TMEM132B: variants seen among roughly 807,000 people sequenced by gnomAD.
TMEM132B encodes transmembrane protein 132B.
TMEM132B carries 18 observed loss-of-function variants against 90.8 expected under a neutral mutation model. That is an observed-to-expected ratio of 0.20 (90% confidence interval 0.14 to 0.29). The LOEUF is 0.29. Among genes scored for constraint, TMEM132B ranks in the 10% least tolerant of loss-of-function variants. The probability of loss-of-function intolerance (pLI) is 1.00; values close to 1 mark genes in which losing one functional copy is unlikely to be tolerated. For synonymous variants in TMEM132B, 504 were observed against 523.3 expected, an observed-to-expected ratio of 0.96 and a Z score of 0.50; for missense variants, 1,096 against 1,326.8, an observed-to-expected ratio of 0.83 and a Z score of 2.70.
At chr12:125,336,367 C>T (rs1876961050) in intron 1 of TMEM132B, among the ~76,000 whole-genome samples, 1 of 152,192 alleles carries the variant, frequency 6.6e-6, no homozygotes, top group Non-Finnish European at 1.5e-5. Context: ...AACACAGGTA[C>T]CGAGGCTTCT....
chr12:125,538,202 T>C (rs912159489), intron 4 of TMEM132B, among the ~76,000 whole-genome samples: 4 of 152,206 alleles, frequency 2.6e-5, no homozygotes, highest in African/African-American at 9.7e-5. Flanking sequence ...GTTATTTATA[T>C]TGTTCTTACC....
chr12:125,377,362 G>T (rs1329626474), intron 2 of TMEM132B, among the ~76,000 whole-genome samples: 2 of 152,218 alleles, frequency 1.3e-5, no homozygotes, highest in African/African-American at 2.4e-5. Flanking sequence ...ACTTTGGATT[G>T]TGGGCTGGAC....
intron 5 of TMEM132B, among the ~76,000 whole-genome samples, chr12:125,603,471 C>T (rs1885616666): frequency 6.6e-6 from 1 of 152,142 alleles, no homozygotes; most frequent in African/African-American, 2.4e-5. Flanking sequence ...TAAAGACTTA[C>T]ATGTGAAACC....
intron 2 of TMEM132B, among the ~76,000 whole-genome samples, chr12:125,354,643 G>A (rs7296783): frequency 0.43 from 64,654 of 152,122 alleles, 14,066 homozygotes; most frequent in Non-Finnish European, 0.46. Context: ...TTCATTATGC[G>A]TGTTTGTGGG....
At chr12:125,216,933 C>G (rs190761917) in intron 1 of TMEM132B, among the ~76,000 whole-genome samples, 1 of 152,226 alleles carries the variant, frequency 6.6e-6, no homozygotes, top group East Asian at 1.9e-4. Flanking sequence ...CCACTGGCTG[C>G]GATCTTGGCG....
intron 2 of TMEM132B, among the ~76,000 whole-genome samples, chr12:125,393,588 T>C (rs1262031743): frequency 6.6e-6 from 1 of 152,012 alleles, no homozygotes; most frequent in Non-Finnish European, 1.5e-5. Flanking sequence ...GTTTCAGGCA[T>C]AGCAAACGGT....
In TMEM132B at chr12:125,538,156, C is replaced by G. The variant is rs148093032; in HGVS notation, c.1293+18531C>G. On this transcript the variant is annotated intron_variant, in intron 4 of 8. Coordinates refer to ENST00000682704, the MANE Select transcript of TMEM132B (RefSeq NM_001366854.1). ...TCGATCATCTAATTAAGGTCACACT[C>G]TCAGGGAAACTGAGGTATGGGGTGA... Among the ~76,000 whole-genome samples the G allele has an allele frequency of 2.4e-4, 37 of 152,306 alleles. 1 individual carries two copies. Among genetic ancestry groups the G allele is most frequent in the African/African-American group, 8.7e-4 (36 of 41,576 alleles).
At chr12:125,296,640 TTC>T (rs1328824846) in intron 1 of TMEM132B, among the ~76,000 whole-genome samples, 1 of 152,238 alleles carries the variant, frequency 6.6e-6, no homozygotes, top group Non-Finnish European at 1.5e-5. Context: ...GAAGAATGGC[TTC>T]TCTGCCGTAT....
intron 2 of TMEM132B, among the ~76,000 whole-genome samples, chr12:125,366,427 AT>A (rs976997504): frequency 6.0e-4 from 91 of 151,906 alleles, no homozygotes; most frequent in African/African-American, 1.8e-3. Context: ...AGCATTTGTT[AT>A]TTTTTTTATT....
At position 125,616,312 on chromosome 12, in the gene TMEM132B, A is replaced by G. The variant is rs545567026; in HGVS notation, c.1438-27764A>G. ...CATAGTATTCCATGGTGTATATGAC[A>G]CTTTTATACCGTCTCGAGGTTACAG... On this transcript the variant is annotated intron_variant, in intron 5 of 8. Coordinates refer to ENST00000682704, the MANE Select transcript of TMEM132B (RefSeq NM_001366854.1). Among the ~76,000 whole-genome samples the G allele has an allele frequency of 7.6e-4, 115 of 152,168 alleles. 1 individual carries two copies. The highest frequency in any genetic ancestry group is 1.2e-3 in the South Asian group (6 of 4,814).
intron 1 of TMEM132B, among the ~76,000 whole-genome samples, chr12:125,271,723 G>GT (rs1047281284): frequency 6.6e-6 from 1 of 151,426 alleles, no homozygotes; most frequent in African/African-American, 2.4e-5. Context: ...CCAAACTTTG[G>GT]TTTTTTTAAT....
chr12:125,583,888 A>G lies in TMEM132B; in HGVS notation c.1331A>G (p.Lys444Arg), dbSNP rs1199080652. The G allele has an allele frequency of 1.2e-6, 2 of 1,614,006 alleles. No individual in the cohort carries two copies. Among genetic ancestry groups the G allele is most frequent in the Non-Finnish European group, 1.7e-6 (2 of 1,180,036 alleles). Residue 444 changes from lysine (K) to arginine (R), a missense_variant, in exon 5 of 9, where the codon AAG becomes AGG. Physicochemically the swap from Lys to Arg is conservative, Grantham distance 26. Transcript: ENST00000682704. ...EVLNTAILTGKPVSVPVKVVG... is the reference protein window; with the variant it reads ...EVLNTAILTGRPVSVPVKVVG... ...TTGAACACTGCCATTCTCACTGGAA[A>G]GCCTGTTTCAGTTCCTGTCAAAGTC...
At chr12:125,296,389 C>T (rs1443071803) in intron 1 of TMEM132B, among the ~76,000 whole-genome samples, 1 of 152,182 alleles carries the variant, frequency 6.6e-6, no homozygotes, top group Admixed American at 6.5e-5. Context: ...AAGTCTCTGC[C>T]CAGATCCCGT....
At chr12:125,524,295 G>A (rs1211939472) in intron 4 of TMEM132B, among the ~76,000 whole-genome samples, 1 of 152,210 alleles carries the variant, frequency 6.6e-6, no homozygotes, top group Non-Finnish European at 1.5e-5. Flanking sequence ...ATAGGGCACT[G>A]GATCAGATTC....
At chr12:125,565,103 C>G (rs1884628982) in intron 4 of TMEM132B, among the ~76,000 whole-genome samples, 1 of 152,184 alleles carries the variant, frequency 6.6e-6, no homozygotes, top group Non-Finnish European at 1.5e-5. Context: ...GGCATGGGTA[C>G]AGTTGTGATC....
At chr12:125,360,386 C>G (rs201862422) in intron 2 of TMEM132B, among the ~76,000 whole-genome samples, 1 of 152,172 alleles carries the variant, frequency 6.6e-6, no homozygotes, top group African/African-American at 2.4e-5. Flanking sequence ...TGCTCCTAGA[C>G]GATGGTCTAC....
chr12:125,199,517 C>T (rs1451804360), intron 1 of TMEM132B, among the ~76,000 whole-genome samples: 1 of 152,158 alleles, frequency 6.6e-6, no homozygotes, highest in African/African-American at 2.4e-5. Flanking sequence ...CTTGGGGCAT[C>T]TCTGGGGGAA....
intron 5 of TMEM132B, among the ~76,000 whole-genome samples, chr12:125,605,340 C>G (rs184564643): frequency 2.6e-5 from 4 of 152,238 alleles, no homozygotes; most frequent in Non-Finnish European, 5.9e-5. Flanking sequence ...TGAGCTGGAC[C>G]AATCAGACTC....
chr12:125,283,569 T>G (rs1199931481), intron 1 of TMEM132B, among the ~76,000 whole-genome samples: 1 of 152,062 alleles, frequency 6.6e-6, no homozygotes, highest in Non-Finnish European at 1.5e-5. Flanking sequence ...TTACCATGAG[T>G]GCCAGTCTCT....
Sources: gnomAD v4.1 joint callset for allele counts (sites outside exome capture counted in the v4.1 genomes callset) on GRCh38, gnomAD v4.1.1 for gene constraint, MANE v1.5 for transcripts, NCBI Gene and HGNC (gene_info 2026-07-23, HGNC 2026-07-21) for gene names.